Variants in S100Z observed in about 807,000 individuals in gnomAD.
The protein encoded by S100Z is S100 calcium binding protein Z, also known as protein S100-Z.
Under a neutral mutation model 8.5 loss-of-function variants are expected in S100Z, and 11 were observed. That is an observed-to-expected ratio of 1.30 (90% CI 0.82 to 2.15). S100Z has a LOEUF of 2.15. Among genes scored for constraint, S100Z ranks in the 30% most tolerant of loss-of-function variants. The probability of loss-of-function intolerance (pLI) is 0.00; values close to 1 mark genes in which losing one functional copy is unlikely to be tolerated. For synonymous variants in S100Z, 34 were observed against 43.8 expected (o/e 0.78, Z 0.89); for missense variants, 126 against 117.9 (o/e 1.07, Z -0.32).
chr5:76,862,131 G>A (rs1390632238), intron 1 of S100Z, among the ~76,000 whole-genome samples: 1 of 62,582 alleles, frequency 1.6e-5, no homozygotes, highest in East Asian at 4.0e-4. Flanking sequence ...AGGAGTGTGC[G>A]TGTGTGTGTG....
chr5:76,926,597 A>G (rs1373970662), downstream of S100Z, among the ~76,000 whole-genome samples: 1 of 152,124 alleles, frequency 6.6e-6, no homozygotes, highest in Non-Finnish European at 1.5e-5. Context: ...CTCCAGAGAA[A>G]ACGAAGCATA....
At chr5:76,852,469 G>A (rs1051886969) in intron 1 of S100Z, among the ~76,000 whole-genome samples, 1 of 152,036 alleles carries the variant, frequency 6.6e-6, no homozygotes, top group Non-Finnish European at 1.5e-5. Context: ...CCAGTACTTT[G>A]GGAAGCTGAG....
intron 4 of S100Z, among the ~76,000 whole-genome samples, chr5:76,917,189 T>C (rs1202949813): frequency 6.6e-6 from 1 of 151,140 alleles, no homozygotes; most frequent in Non-Finnish European, 1.5e-5. Context: ...AAGGAAGGTC[T>C]CAAGTCTGTA....
downstream of S100Z, among the ~76,000 whole-genome samples, chr5:76,924,735 C>T (rs10059513): frequency 0.46 from 69,886 of 151,718 alleles, 18,183 homozygotes; most frequent in African/African-American, 0.71. Context: ...CATGGTGAAA[C>T]CCCATCTCTA....
At chr5:76,906,866 C>T (rs1315209351) in intron 4 of S100Z, among the ~76,000 whole-genome samples, 1 of 151,260 alleles carries the variant, frequency 6.6e-6, no homozygotes, top group East Asian at 2.0e-4. Flanking sequence ...CTCCTGATCT[C>T]ATGATCCTCC....
At chr5:76,882,688 G>T (rs555555800) in intron 4 of S100Z, among the ~76,000 whole-genome samples, 1 of 152,328 alleles carries the variant, frequency 6.6e-6, no homozygotes, top group African/African-American at 2.4e-5. Flanking sequence ...TGTCGAGATA[G>T]GTAATGGATG....
chr5:76,880,383 T>C (rs1003332869), intron 4 of S100Z, among the ~76,000 whole-genome samples: 1 of 151,924 alleles, frequency 6.6e-6, no homozygotes, highest in East Asian at 1.9e-4. Flanking sequence ...AGTGGTGAAG[T>C]GTTGGGGTGG....
the S100Z span, among the ~76,000 whole-genome samples, chr5:76,935,601 C>A: frequency 5.4e-3 from 817 of 151,920 alleles, 6 homozygotes; most frequent in Non-Finnish European, 9.3e-3. Flanking sequence ...TCACAGTGTT[C>A]AAAATTTTAT....
chr5:76,888,399 A>G (rs1385896438), intron 4 of S100Z, among the ~76,000 whole-genome samples: 1 of 53,588 alleles, frequency 1.9e-5, no homozygotes, highest in African/African-American at 7.4e-5. Context: ...TTTTTGAGAC[A>G]GAGTCTTGCT....
chr5:76,922,619 G>C (rs1053708699), downstream of S100Z, among the ~76,000 whole-genome samples: 3 of 152,184 alleles, frequency 2.0e-5, no homozygotes, highest in Middle Eastern at 6.3e-3. Flanking sequence ...CGCCTCCTGG[G>C]TTCATGCCAT....
At chr5:76,913,155 G>T (rs1295262517) in intron 4 of S100Z, among the ~76,000 whole-genome samples, 3 of 152,156 alleles carry the variant, frequency 2.0e-5, no homozygotes, top group Non-Finnish European at 4.4e-5. Flanking sequence ...TGTAAACAAG[G>T]GCGTAGCCTG....
intron 4 of S100Z, among the ~76,000 whole-genome samples, chr5:76,895,225 T>C (rs540040856): frequency 3.3e-5 from 5 of 152,178 alleles, no homozygotes; most frequent in Non-Finnish European, 7.4e-5. Context: ...GTTAATATCA[T>C]CACCGTTTTA....
chr5:76,871,889 C>A (rs1007401229), intron 2 of S100Z, among the ~76,000 whole-genome samples: 2 of 152,146 alleles, frequency 1.3e-5, no homozygotes, highest in African/African-American at 4.8e-5. Flanking sequence ...TGAGCCAAAC[C>A]AATGTACACC....
chr5:76,877,739 A>C lies in S100Z; in HGVS notation c.207A>C (p.Glu69Asp). 1 of 1,612,214 alleles carries C rather than the reference A, an allele frequency of 6.2e-7. No individual in the cohort carries two copies. Among genetic ancestry groups the C allele is most frequent in the South Asian group, 1.1e-5 (1 of 91,046 alleles). Reference protein sequence around the residue: ...VQDLDANKDNEVDFNEFVVMV... With the variant: ...VQDLDANKDNDVDFNEFVVMV... The stretch of plus-strand genomic sequence containing the variant: ...ACCTGGATGCCAATAAGGACAACGA[A>C]GTGGATTTTAATGAATTCGTGGTCA... The change falls in exon 4 of 5, where the codon GAA (glutamate) becomes GAC (aspartate). Residue 69 changes from glutamate to aspartate, a missense_variant. Physicochemically the swap from Glu to Asp is conservative, Grantham distance 45 (BLOSUM62 2). Coordinates refer to ENST00000317593, the MANE Select transcript of S100Z (RefSeq NM_130772.4).
chr5:76,920,324 ATGTGT>A (rs1341686792), intron 4 of S100Z, among the ~76,000 whole-genome samples: 1 of 152,138 alleles, frequency 6.6e-6, no homozygotes, highest in Non-Finnish European at 1.5e-5. Flanking sequence ...AATTCATGAA[ATGTGT>A]TGGAGTAACT....
chr5:76,895,868 C>G (rs746463897), intron 4 of S100Z, among the ~76,000 whole-genome samples: 13 of 143,730 alleles, frequency 9.0e-5, no homozygotes, highest in Admixed American at 2.2e-4. Context: ...GTTCAAGTGA[C>G]TCTCCTGCCT....
intron 1 of S100Z, among the ~76,000 whole-genome samples, chr5:76,850,397 T>G (rs993721460): frequency 5.3e-5 from 8 of 151,546 alleles, no homozygotes; most frequent in Non-Finnish European, 1.5e-5. Flanking sequence ...GCGTAGAGGT[T>G]CTGGTAAGTT....
intron 4 of S100Z, among the ~76,000 whole-genome samples, chr5:76,886,475 G>T (rs768796161): frequency 5.9e-5 from 9 of 152,182 alleles, no homozygotes; most frequent in Non-Finnish European, 7.3e-5. Context: ...TGTTCCTTGG[G>T]CTGGTTGGTC....
chr5:76,873,439 C>G (rs1224002306), intron 2 of S100Z, among the ~76,000 whole-genome samples: 1 of 151,796 alleles, frequency 6.6e-6, no homozygotes, highest in African/African-American at 2.4e-5. Context: ...TCCCGAGTAG[C>G]TGGGACTACA....
Sources: allele counts gnomAD v4.1 joint callset (sites outside exome capture counted in the v4.1 genomes callset), GRCh38; gene constraint gnomAD v4.1.1; transcripts MANE v1.5; gene names NCBI Gene and HGNC (gene_info 2026-07-23, HGNC 2026-07-21).